CNTN3: variants seen among roughly 807,000 people sequenced by gnomAD.
CNTN3 encodes the protein contactin-3.
In CNTN3, 60 loss-of-function variants were observed where a neutral mutation model predicts 119.1. The observed-to-expected ratio is 0.50, with a 90% CI of 0.41 to 0.62. CNTN3 has a LOEUF of 0.62. CNTN3 is among the 20% of genes least tolerant of loss of function. The pLI is 0.00. For synonymous variants in CNTN3, 450 were observed against 438.7 expected, an observed-to-expected ratio of 1.03 and a Z score of -0.32; for missense variants, 1,101 against 1,242.4, an observed-to-expected ratio of 0.89 and a Z score of 1.71.
chr3:74,536,712 C>T (rs752088945), intron 1 of CNTN3, among the ~76,000 whole-genome samples: 43 of 152,084 alleles, frequency 2.8e-4, no homozygotes, highest in African/African-American at 9.9e-4. Context: ...ACCATGTGGA[C>T]ATTTGGAGAC....
intron 1 of CNTN3, among the ~76,000 whole-genome samples, chr3:74,550,107 TG>T (rs1703968639): frequency 6.6e-6 from 1 of 152,178 alleles, no homozygotes; most frequent in Admixed American, 6.5e-5. Flanking sequence ...AGATTTGGAA[TG>T]GGGCATGAGC....
intron 1 of CNTN3, among the ~76,000 whole-genome samples, chr3:74,603,231 A>G (rs1704939906): frequency 6.6e-6 from 1 of 152,208 alleles, no homozygotes; most frequent in Non-Finnish European, 1.5e-5. Flanking sequence ...CAGAGGAAGC[A>G]CAACCTTGGC....
intron 5 of CNTN3, among the ~76,000 whole-genome samples, chr3:74,421,141 G>A (rs1296405092): frequency 6.6e-6 from 1 of 152,084 alleles, no homozygotes; most frequent in Non-Finnish European, 1.5e-5. Flanking sequence ...AATAGACAGA[G>A]GCTAACACTA....
intron 1 of CNTN3, among the ~76,000 whole-genome samples, chr3:74,586,895 G>T (rs1388744628): frequency 6.6e-6 from 1 of 151,798 alleles, no homozygotes; most frequent in Non-Finnish European, 1.5e-5. Context: ...ATCTAATTAG[G>T]GAACACCGAG....
At position 74,298,063 on chromosome 3, in the gene CNTN3, A is replaced by T. The variant is rs750313291; in HGVS notation, c.2295T>A (p.Asn765Lys). 7 of 1,614,076 alleles carry T rather than the reference A, an allele frequency of 4.3e-6. No individual in the cohort carries two copies. Among genetic ancestry groups the T allele is most frequent in the Non-Finnish European group, 5.1e-6 (6 of 1,179,960 alleles). ...SPDTPRYVFR[N>K]ESIVPYSPYE... ...ATGGTGAATATGGCACGATGCTTTC[A>T]TTCCTAAAGACATATCTTGGGGTGT... The change falls in exon 18 of 23, where the codon AAT becomes AAA. Residue 765 changes from asparagine to lysine, a missense_variant. By Grantham distance (94) the Asn-to-Lys change is moderately conservative. Transcript: ENST00000263665.
chr3:74,504,397 G>T (rs186778024), intron 2 of CNTN3, among the ~76,000 whole-genome samples: 2 of 152,040 alleles, frequency 1.3e-5, no homozygotes, highest in African/African-American at 4.8e-5. Context: ...ATCATATGCC[G>T]CCAATGAAAT....
At chr3:74,498,461 G>T (rs1015725890) in intron 3 of CNTN3, among the ~76,000 whole-genome samples, 1 of 151,632 alleles carries the variant, frequency 6.6e-6, no homozygotes, top group African/African-American at 2.4e-5. Flanking sequence ...TCTCATCTTT[G>T]CCAACTCTAA....
At chr3:74,443,192 A>G (rs1023229688) in intron 4 of CNTN3, among the ~76,000 whole-genome samples, 1 of 152,160 alleles carries the variant, frequency 6.6e-6, no homozygotes, top group African/African-American at 2.4e-5. Flanking sequence ...CAAGCAGTTC[A>G]TCCACCAGAG....
chr3:74,541,929 A>G (rs1435996896), intron 1 of CNTN3, among the ~76,000 whole-genome samples: 1 of 152,110 alleles, frequency 6.6e-6, no homozygotes, highest in East Asian at 1.9e-4. Context: ...TTTCAGAAAA[A>G]CTGTGTTTAA....
chr3:74,342,018 C>G (rs1237866080), intron 11 of CNTN3, among the ~76,000 whole-genome samples: 25 of 152,156 alleles, frequency 1.6e-4, no homozygotes, highest in African/African-American at 5.3e-4. Context: ...TAGAAAATAA[C>G]AAGGCTCTTT....
chr3:74,344,397 G>GTTTTTTTT lies in CNTN3; in HGVS notation c.1365-7747_1365-7740dup, dbSNP rs1156579949. Among the ~76,000 whole-genome samples, 29 of 32,608 alleles carry GTTTTTTTT rather than the reference G, an allele frequency of 8.9e-4. 6 individuals carry two copies. The highest frequency in any genetic ancestry group is 4.7e-3 in the East Asian group (4 of 856). The allele number at this position is 32,608 out of a possible 152,430, so 21.4% of individuals were successfully genotyped here. On this transcript the variant is annotated intron_variant, in intron 11 of 22. Coordinates refer to ENST00000263665, the MANE Select transcript of CNTN3 (RefSeq NM_020872.3). ...AGTTCATTTACAACCTTACACAGTGGTTTTTTTTTTTTTTTTTTTTTTTTT... is the reference window on the plus strand; with the variant it reads ...AGTTCATTTACAACCTTACACAGTGGTTTTTTTTTTTTTTTTTTTTTTTTTTTTTTTTT...
At chr3:74,464,021 T>C (rs1244761725) in intron 4 of CNTN3, among the ~76,000 whole-genome samples, 1 of 152,132 alleles carries the variant, frequency 6.6e-6, no homozygotes, top group Non-Finnish European at 1.5e-5. Flanking sequence ...TAAACTTAGC[T>C]GGGCCTTAAA....
intron 1 of CNTN3, among the ~76,000 whole-genome samples, chr3:74,541,281 CT>C (rs1703839177): frequency 6.6e-6 from 1 of 152,150 alleles, no homozygotes; most frequent in African/African-American, 2.4e-5. Flanking sequence ...TTTTACACTA[CT>C]CAACATGCAC....
intron 20 of CNTN3, among the ~76,000 whole-genome samples, chr3:74,282,099 T>A (rs151258980): frequency 6.6e-6 from 1 of 152,250 alleles, no homozygotes; most frequent in East Asian, 1.9e-4. Context: ...CTGTTAAGAG[T>A]TTGCTCTCTT....
intron 5 of CNTN3, among the ~76,000 whole-genome samples, chr3:74,390,955 T>A (rs1704881861): frequency 6.6e-6 from 1 of 152,240 alleles, no homozygotes; most frequent in Admixed American, 6.5e-5. Flanking sequence ...GCCGCTACTC[T>A]ATTTATCATA....
intron 5 of CNTN3, among the ~76,000 whole-genome samples, chr3:74,422,128 C>G (rs995486761): frequency 6.6e-6 from 1 of 152,168 alleles, no homozygotes; most frequent in Non-Finnish European, 1.5e-5. Flanking sequence ...TGGGTGCAGA[C>G]GAACACCAAC....
intron 1 of CNTN3, among the ~76,000 whole-genome samples, chr3:74,541,185 A>G (rs1481256797): frequency 6.6e-6 from 1 of 152,152 alleles, no homozygotes; most frequent in Admixed American, 6.6e-5. Context: ...CGCCATTTTC[A>G]TGCTGAAATG....
chr3:74,322,785 T>A (rs677171), intron 13 of CNTN3, among the ~76,000 whole-genome samples: 2 of 152,134 alleles, frequency 1.3e-5, no homozygotes, highest in East Asian at 3.9e-4. Context: ...CGGTGATACA[T>A]CCAGATACTG....
At chr3:74,575,000 T>C (rs1042039745) in intron 1 of CNTN3, among the ~76,000 whole-genome samples, 3 of 151,778 alleles carry the variant, frequency 2.0e-5, no homozygotes, top group Non-Finnish European at 2.9e-5. Flanking sequence ...TATGGCTCAC[T>C]GTAGCCTGGA....
Sources: allele counts gnomAD v4.1 joint callset (sites outside exome capture counted in the v4.1 genomes callset), GRCh38; gene constraint gnomAD v4.1.1; transcripts MANE v1.5; gene names NCBI Gene and HGNC (gene_info 2026-07-23, HGNC 2026-07-21).